The following PIK3IP1 variants were observed in gnomAD, a reference collection of about 807,000 sequenced individuals.
PIK3IP1 encodes the protein phosphoinositide-3-kinase-interacting protein 1.
In PIK3IP1, 28 loss-of-function variants were observed where a neutral mutation model predicts 30.7. The ratio of observed to expected loss-of-function variants is 0.91; its 90% confidence interval spans 0.68 to 1.25. PIK3IP1 has a LOEUF of 1.25. PIK3IP1 is among the 50% of genes most tolerant of loss of function. PIK3IP1 has a pLI of 0.00. For synonymous variants in PIK3IP1, 159 were observed against 140.8 expected, an observed-to-expected ratio of 1.13 and a Z score of -0.91; for missense variants, 333 against 346.2, an observed-to-expected ratio of 0.96 and a Z score of 0.30.
intron 3 of PIK3IP1, chr22:31,290,733 G>A (rs2034423125): frequency 1.8e-6 from 1 of 558,306 alleles, no homozygotes; most frequent in Non-Finnish European, 2.9e-6. Context: ...CCTCACCCCA[G>A]CCTCGCCCCG....
At chr22:31,290,684 C>CAAT (rs2049168016) in intron 3 of PIK3IP1, 13 of 411,596 alleles carry the variant, frequency 3.2e-5, no homozygotes, top group Non-Finnish European at 4.3e-5. Context: ...GCTGAGGGGC[C>CAAT]AAAAGCCACT....
chr22:31,286,091 T>TG (rs1215804228), intron 5 of PIK3IP1, among the ~76,000 whole-genome samples: 2 of 151,550 alleles, frequency 1.3e-5, no homozygotes, highest in African/African-American at 4.9e-5. Flanking sequence ...GAGAATCACT[T>TG]GAACCCAGGA....
At chr22:31,290,862 A>AGCGGGGCCGGCCGGCATC (rs2049170439) in intron 3 of PIK3IP1, 103 bp downstream of exon 3, 2 of 1,412,342 alleles carry the variant, frequency 1.4e-6, no homozygotes, top group Non-Finnish European at 1.8e-6. Context: ...GCGGAGGCGG[A>AGCGGGGCCGGCCGGCATC]GCGGGGCCGG....
intron 1 of PIK3IP1, among the ~76,000 whole-genome samples, 163 bp from the exon 2 acceptor site, chr22:31,291,459 CGCCCCACGCA>C: frequency 8.9e-6 from 1 of 112,696 alleles, no homozygotes; most frequent in Non-Finnish European, 1.7e-5. Context: ...AACACCCCCA[CGCCCCACGCA>C]CCCCCCCCCC....
At chr22:31,290,033 A>C (rs1022617650) in intron 3 of PIK3IP1, 12 of 259,110 alleles carry the variant, frequency 4.6e-5, no homozygotes, top group Middle Eastern at 1.3e-3. Flanking sequence ...TCAGGAAACA[A>C]CCCATGCTTC....
intron 3 of PIK3IP1, 147 bp downstream of exon 3, chr22:31,290,817 CG>C: frequency 8.2e-7 from 1 of 1,220,390 alleles, no homozygotes; most frequent in Non-Finnish European, 1.1e-6. Context: ...CTTTGAGCCC[CG>C]CGGCCTGGAG....
chr22:31,291,266 C>G lies in PIK3IP1; in HGVS notation c.101G>C (p.Arg34Pro). The G allele has an allele frequency of 6.4e-7, 1 of 1,555,374 alleles. No individual in the cohort carries two copies. Among genetic ancestry groups the G allele is most frequent in the Non-Finnish European group, 8.7e-7 (1 of 1,150,178 alleles). Residue 34 changes from arginine to proline, a missense_variant, in exon 2 of 6, where the codon CGG becomes CCG. This residue lies in a region of PIK3IP1 where 111 missense variants were observed against 100.1 expected (regional missense o/e 1.11). Transcript: ENST00000215912. Reference protein sequence around the residue: ...GCFWDNGHLYREDQTSPAPGL... With the variant: ...GCFWDNGHLYPEDQTSPAPGL... ...CGGCGCGGGGGAGGTCTGGTCCTCC[C>G]GGTACAGGTGGCCGTTGTCCCAGAA... is the stretch of plus-strand genomic sequence containing the variant.
At position 31,283,108 on chromosome 22, in the gene PIK3IP1, G is replaced by A; in HGVS notation, c.768C>T (p.Gly256=). ...DPQEGTTPLM[G]QAGTPGA Reference sequence around the variant, plus strand: ...CTCAGGCCCCAGGAGTCCCGGCCTGGCCCATAAGGGGGGTGGTGCCCTCCT... The same window carrying A: ...CTCAGGCCCCAGGAGTCCCGGCCTGACCCATAAGGGGGGTGGTGCCCTCCT... Residue 256 remains glycine (G), a synonymous_variant, in exon 6 of 6, where the codon GGC becomes GGT. Transcript: ENST00000215912. 6.2e-7 allele frequency: 1 copy of A among 1,608,442 alleles called. No individual in the cohort carries two copies. The highest frequency in any genetic ancestry group is 8.5e-7 in the Non-Finnish European group (1 of 1,177,498).
chr22:31,284,067 G>C (rs1397621980), intron 5 of PIK3IP1, among the ~76,000 whole-genome samples: 1 of 152,142 alleles, frequency 6.6e-6, no homozygotes, highest in Non-Finnish European at 1.5e-5. Flanking sequence ...ACCACGCCCA[G>C]AGTATTTTGT....
intron 5 of PIK3IP1, among the ~76,000 whole-genome samples, chr22:31,284,915 C>G (rs1325892373): frequency 6.6e-6 from 1 of 152,060 alleles, no homozygotes; most frequent in Non-Finnish European, 1.5e-5. Context: ...GCCTGCCCAC[C>G]CATCCCAGCC....
chr22:31,291,383 C>T (rs1368609774), intron 1 of PIK3IP1, 87 bp from the exon 2 acceptor site: 2 of 1,304,830 alleles, frequency 1.5e-6, no homozygotes, highest in Non-Finnish European at 2.2e-6. Context: ...CCGGGACCAC[C>T]CGGGCTGAAC....
At position 31,291,285 on chromosome 22, in the gene PIK3IP1, C is replaced by T; in HGVS notation, c.82G>A (p.Asp28Asn). The change falls in exon 2 of 6, where the codon GAC becomes AAC. Residue 28 changes from aspartate to asparagine, a missense_variant. Asp to Asn is a conservative substitution (Grantham distance 23). Around this residue, in one of 3 missense-constraint regions of PIK3IP1, gnomAD observed 111 missense variants for 100.1 expected, o/e 1.11. Transcript: ENST00000215912. ...TCCTCCCGGTACAGGTGGCCGTTGT[C>T]CCAGAAACAGCCTGTGAGGAAAAGA... ...EAYGSGGCFW[D>N]NGHLYREDQT... The T allele has an allele frequency of 1.3e-6, 2 of 1,556,760 alleles. No homozygotes were observed. The highest frequency in any genetic ancestry group is 1.4e-5 in the African/African-American group (1 of 73,274).
At position 31,289,598 on chromosome 22, in the gene PIK3IP1, G is replaced by C; in HGVS notation, c.409C>G (p.Leu137Val). Residue 137 changes from leucine to valine, a missense_variant, in exon 4 of 6, where the codon CTG (leucine) becomes GTG (valine). Transcript: ENST00000215912. ...GCTGCCGCCTCACTCCGAGCGGGCAGGGCGTTGGCAGGAGCGAACACCTGC... is the reference window on the plus strand; with the variant it reads ...GCTGCCGCCTCACTCCGAGCGGGCACGGCGTTGGCAGGAGCGAACACCTGC... ...EVQVFAPANA[L>V]PARSEAAAVQ... is the part of the protein sequence containing the mutation. 6.4e-7 allele frequency: 1 copy of C among 1,560,848 alleles called. No individual in the cohort carries two copies. The highest frequency in any genetic ancestry group is 1.9e-5 in the Admixed American group (1 of 51,316).
intron 5 of PIK3IP1, among the ~76,000 whole-genome samples, chr22:31,288,420 A>AAGGGAGGGAGGG (rs59363676): frequency 8.3e-6 from 1 of 120,172 alleles, no homozygotes; most frequent in African/African-American, 2.9e-5. Context: ...GGAAGGAAGG[A>AAGGGAGGGAGGG]AGGGAGGGAG....
chr22:31,287,103 G>A (rs1013317852), intron 5 of PIK3IP1, among the ~76,000 whole-genome samples: 5 of 131,854 alleles, frequency 3.8e-5, no homozygotes, highest in East Asian at 2.4e-4. Flanking sequence ...TCACCATAGC[G>A]ACTTCCCAGG....
chr22:31,290,786 G>C, intron 3 of PIK3IP1, 179 bp downstream of exon 3: 1 of 892,496 alleles, frequency 1.1e-6, no homozygotes. Flanking sequence ...GCTCATACGA[G>C]TGGCGGCGGC....
intron 5 of PIK3IP1, 34 bp downstream of exon 5, chr22:31,289,281 C>T: frequency 6.2e-7 from 1 of 1,608,818 alleles, no homozygotes; most frequent in Non-Finnish European, 8.5e-7. Context: ...TTCCTCCCCT[C>T]CTCCTAAGAG....
chr22:31,284,016 T>C (rs2049112195), intron 5 of PIK3IP1, among the ~76,000 whole-genome samples: 1 of 152,198 alleles, frequency 6.6e-6, no homozygotes, highest in Admixed American at 6.5e-5. Flanking sequence ...GCGATTCTCC[T>C]GCCTCAGCCT....
intron 5 of PIK3IP1, 186 bp downstream of exon 5, chr22:31,289,125 TTAAG>T (rs1272211511): frequency 1.4e-5 from 9 of 625,028 alleles, no homozygotes; most frequent in Middle Eastern, 2.5e-4. Flanking sequence ...CACAAGGCTT[TTAAG>T]TGAGGTGTAA....
Sources: allele counts gnomAD v4.1 joint callset (sites outside exome capture counted in the v4.1 genomes callset), GRCh38; gene constraint gnomAD v4.1.1; regional missense constraint gnomAD v4.1.1; transcripts MANE v1.5; gene names NCBI Gene and HGNC (gene_info 2026-07-23, HGNC 2026-07-21).